The following FBN3 variants were observed in gnomAD, a reference collection of about 807,000 sequenced individuals.
FBN3 encodes the protein fibrillin 3.
In FBN3, 234 loss-of-function variants were observed where a neutral mutation model predicts 330.1. That is an observed-to-expected ratio of 0.71 (90% confidence interval 0.64 to 0.79). The LOEUF (loss-of-function observed/expected upper bound fraction) is 0.79, where lower values mean the gene tolerates loss of function less well. FBN3 is among the 30% of genes least tolerant of loss of function. The probability of loss-of-function intolerance (pLI) is 0.00; values close to 1 mark genes in which losing one functional copy is unlikely to be tolerated. For missense variants in FBN3, 3,606 were observed against 3,886.9 expected (o/e 0.93, Z 1.92); for synonymous variants, 1,458 against 1,517.3 (o/e 0.96, Z 0.91).
At chr19:8,071,479 G>T (rs573101535) in intron 63 of FBN3, among the ~76,000 whole-genome samples, 1 of 152,250 alleles carries the variant, frequency 6.6e-6, no homozygotes, top group East Asian at 1.9e-4. Context: ...CCAGAGAAAA[G>T]ACTCACCTCC....
intron 51 of FBN3, 29 bp from the exon 52 acceptor site, chr19:8,088,208 C>A (rs1254851004): frequency 2.6e-6 from 4 of 1,560,392 alleles, no homozygotes; most frequent in Non-Finnish European, 3.5e-6. Context: ...GTGGTCAGCA[C>A]CTGCAGAGGG....
chr19:8,072,509 C>T (rs1229869002), intron 62 of FBN3, among the ~76,000 whole-genome samples: 1 of 152,020 alleles, frequency 6.6e-6, no homozygotes, highest in Non-Finnish European at 1.5e-5. Flanking sequence ...CCTGTGTGTT[C>T]ACATGGGGAA....
At chr19:8,115,060 G>C (rs1455445894) in intron 30 of FBN3, among the ~76,000 whole-genome samples, 1 of 151,844 alleles carries the variant, frequency 6.6e-6, no homozygotes, top group Non-Finnish European at 1.5e-5. Context: ...TCACCATGTT[G>C]ACCAGACTGG....
rs1491115082 is a variant in FBN3 at position 8,130,619 on chromosome 19, A to AAG, written c.2044+615_2044+616insCT. Among the ~76,000 whole-genome samples the AAG allele has an allele frequency of 3.4e-3, 33 of 9,714 alleles. 11 individuals carry two copies. The highest frequency in any genetic ancestry group is 5.4e-3 in the Non-Finnish European group (28 of 5,192). The allele number at this position is 9,714 out of a possible 152,430, so 6.4% of individuals were successfully genotyped here. ...AAGAAAGAAAGAAAGAAAGAAAGAAAGAAAGAAAGAAAGAAAGAAAGAAAG... is the reference window on the plus strand; with the variant it reads ...AAGAAAGAAAGAAAGAAAGAAAGAAAAGGAAAGAAAGAAAGAAAGAAAGAAAG... On this transcript the variant is annotated intron_variant, in intron 16 of 63. Transcript: ENST00000600128.
At chr19:8,097,900 CA>C (rs1192481238) in intron 41 of FBN3, among the ~76,000 whole-genome samples, 2 of 152,192 alleles carry the variant, frequency 1.3e-5, no homozygotes, top group African/African-American at 4.8e-5. Flanking sequence ...AACAATATTG[CA>C]TGACTCCATT....
intron 8 of FBN3, among the ~76,000 whole-genome samples, chr19:8,139,824 T>C (rs2083371679): frequency 6.6e-6 from 1 of 151,766 alleles, no homozygotes; most frequent in Admixed American, 6.6e-5. Flanking sequence ...CCTTGGCTGG[T>C]GGCCCACAGT....
chr19:8,102,853 A>G lies in FBN3; in HGVS notation c.4960T>C (p.Phe1654Leu). 6.2e-7 allele frequency: 1 copy of G among 1,614,170 alleles called. No individual in the cohort carries two copies. The highest frequency in any genetic ancestry group is 8.5e-7 in the Non-Finnish European group (1 of 1,180,022). Residue 1654 changes from phenylalanine to leucine, a missense_variant, in exon 40 of 64, where the codon TTC (phenylalanine) becomes CTC (leucine). Physicochemically the swap from Phe to Leu is conservative, Grantham distance 22. Coordinates refer to ENST00000600128, the MANE Select transcript of FBN3 (RefSeq NM_032447.5). ...TGACATGTGCCGTTATAGTGCCGGAAGCAGACACTCTTCCTCATATCTGTA... is the reference window on the plus strand; with the variant it reads ...TGACATGTGCCGTTATAGTGCCGGAGGCAGACACTCTTCCTCATATCTGTA... Reference protein sequence around the residue: ...NCMDMRKSVCFRHYNGTCQNE... With the variant: ...NCMDMRKSVCLRHYNGTCQNE...
chr19:8,112,490 CA>C (rs56104256), intron 30 of FBN3, among the ~76,000 whole-genome samples: 148,717 of 151,258 alleles, frequency 0.98, 73,147 homozygotes, highest in Non-Finnish European at 1. Flanking sequence ...ACTAAAAATA[CA>C]AAAAAAAAAT....
chr19:8,087,381 C>A (rs2081987912), intron 53 of FBN3, among the ~76,000 whole-genome samples, 170 bp from the exon 54 acceptor site: 1 of 152,148 alleles, frequency 6.6e-6, no homozygotes, highest in African/African-American at 2.4e-5. Context: ...CCAGCCCCAG[C>A]CTCCAAGAAG....
In FBN3 at chr19:8,093,197, A is replaced by T. The variant is rs1190027706; in HGVS notation, c.5905+1249T>A. 2.0e-5 allele frequency among the ~76,000 whole-genome samples: 3 copies of T among 152,146 alleles called. No individual in the cohort carries two copies. The East Asian group carries it at 5.8e-4, about 30-fold the overall frequency. On this transcript the variant is annotated intron_variant, in intron 47 of 63. Transcript: ENST00000600128. ...TACTAAGCTAGCCCAAATAGAATAG[A>T]TCAGAATAGGCCGGGCATGGTGACT...
intron 8 of FBN3, among the ~76,000 whole-genome samples, chr19:8,140,581 A>G (rs532535814): frequency 1.8e-4 from 27 of 152,344 alleles, no homozygotes; most frequent in African/African-American, 6.3e-4. Flanking sequence ...TCTAGGTACC[A>G]GCCCTCTGCA....
chr19:8,130,623 A>AAG lies in FBN3; in HGVS notation c.2044+611_2044+612insCT, dbSNP rs1555750492. On this transcript the variant is annotated intron_variant, in intron 16 of 63. Transcript: ENST00000600128. Reference sequence around the variant, plus strand: ...AAGAAAGAAAGAAAGAAAGAAAGAAAGAAAGAAAGAAAGAAAGAAAGGAAA... The same window carrying AAG: ...AAGAAAGAAAGAAAGAAAGAAAGAAAAGGAAAGAAAGAAAGAAAGAAAGGAAA... 6.9e-3 allele frequency among the ~76,000 whole-genome samples: 131 copies of AAG among 18,990 alleles called. 41 individuals are homozygous for AAG. The highest frequency in any genetic ancestry group is 0.028 in the Middle Eastern group (2 of 72). 12.5% of individuals were successfully genotyped at this position (18,990 alleles called of 152,430 possible). A position where few individuals can be genotyped will look rare whatever the true frequency, so the allele number is the denominator to read the frequency against.
rs1476805224 is a variant in FBN3, at chr19:8,096,695, T to C, written c.5414-126A>G. On this transcript the variant is annotated intron_variant, in intron 43 of 63. Transcript: ENST00000600128. The surrounding 1 kb of genome is among the most constrained non-coding windows in gnomAD (Gnocchi z 4.6). ...CCCACTCAAACTTCCACCAGGGGCGTCAGGCTGTCTGCATGGACCTGAGCT... is the reference window on the plus strand; with the variant it reads ...CCCACTCAAACTTCCACCAGGGGCGCCAGGCTGTCTGCATGGACCTGAGCT... The C allele has an allele frequency of 2.1e-6, 3 of 1,398,292 alleles. No homozygotes were observed. Among genetic ancestry groups the C allele is most frequent in the East Asian group, 4.6e-5 (2 of 43,420 alleles). The allele number at this position is 1,398,292 out of a possible 1,614,324, so 86.6% of individuals were successfully genotyped here.
chr19:8,096,546 G>A lies in FBN3; in HGVS notation c.5437C>T (p.Pro1813Ser). The A allele has an allele frequency of 6.2e-7, 1 of 1,613,274 alleles. No individual in the cohort carries two copies. The highest frequency in any genetic ancestry group is 8.5e-7 in the Non-Finnish European group (1 of 1,179,854). The change falls in exon 44 of 64, where the codon CCG (proline) becomes TCG (serine). Residue 1813 changes from proline to serine, a missense_variant. Transcript: ENST00000600128. This position sits in a 1 kb window ranked among gnomAD's most constrained non-coding sequence, Gnocchi z 4.6. ...CVGRNECREIPNVCSHGDCMD... is the reference protein window; with the variant it reads ...CVGRNECREISNVCSHGDCMD... Reference sequence around the variant, plus strand: ...CAGTCACCATGGCTACAGACATTCGGGATCTCCCGACACTCATTCCGTCCT... The same window carrying A: ...CAGTCACCATGGCTACAGACATTCGAGATCTCCCGACACTCATTCCGTCCT...
At chr19:8,105,343 G>A (rs569984509) in intron 38 of FBN3, among the ~76,000 whole-genome samples, 7 of 145,580 alleles carry the variant, frequency 4.8e-5, no homozygotes, top group Non-Finnish European at 1.1e-4. Flanking sequence ...CTGCAGCCTC[G>A]ACTTCCGAGG....
At chr19:8,137,346 C>T in intron 10 of FBN3, among the ~76,000 whole-genome samples, 1 of 147,578 alleles carries the variant, frequency 6.8e-6, no homozygotes, top group Admixed American at 6.7e-5. Context: ...AACCTGGGGC[C>T]TTAGATCCCT....
intron 1 of FBN3, chr19:8,148,866 C>G (rs2083611969): frequency 6.6e-6 from 1 of 152,284 alleles, no homozygotes; most frequent in Non-Finnish European, 1.5e-5. Context: ...CACTCTGAGG[C>G]TCCGTGGACT....
Position 8,145,823 on chromosome 19 carries a change from A to G in FBN3, c.445+20T>C. On this transcript the variant is annotated intron_variant, in intron 5 of 63. Coordinates refer to ENST00000600128, the MANE Select transcript of FBN3 (RefSeq NM_032447.5). Reference sequence around the variant, plus strand: ...ACAGTCCCAGGTGTGCAAAGAGGGGAGTCCCATGGGGATACTCACGCTGCC... The same window carrying G: ...ACAGTCCCAGGTGTGCAAAGAGGGGGGTCCCATGGGGATACTCACGCTGCC... 2.6e-6 allele frequency: 4 copies of G among 1,529,992 alleles called. No individual in the cohort carries two copies. The highest frequency in any genetic ancestry group is 2.7e-6 in the Non-Finnish European group (3 of 1,128,232). The allele number at this position is 1,529,992 out of a possible 1,614,324, so 94.8% of individuals were successfully genotyped here. A position where few individuals can be genotyped will look rare whatever the true frequency, so the allele number is the denominator to read the frequency against.
Position 8,142,008 on chromosome 19 carries a change from A to C in FBN3, c.671T>G (p.Leu224Arg). ...VGRAWGLPCE[L>R]CPAQPHPCRR... ...GCAGGGGTGTGGCTGTGCAGGGCAA[A>C]GTTCACATGGAAGGCCCCAGGCACG... is the stretch of plus-strand genomic sequence containing the variant. Residue 224 changes from leucine (L) to arginine (R), a missense_variant, in exon 7 of 64, where the codon CTT (leucine) becomes CGT (arginine). Leu to Arg is a moderately radical substitution (Grantham distance 102). Transcript: ENST00000600128. The C allele has an allele frequency of 6.2e-7, 1 of 1,614,170 alleles. No individual in the cohort carries two copies. Among genetic ancestry groups the C allele is most frequent in the Non-Finnish European group, 8.5e-7 (1 of 1,180,014 alleles).
Sources: gnomAD v4.1 joint callset for allele counts (sites outside exome capture counted in the v4.1 genomes callset) on GRCh38, gnomAD v4.1.1 for gene constraint, Gnocchi (gnomAD v3.1) non-coding constraint, MANE v1.5 for transcripts, NCBI Gene and HGNC (gene_info 2026-07-23, HGNC 2026-07-21) for gene names.